The following METTL15 variants were observed in gnomAD, a reference collection of about 807,000 sequenced individuals.
The protein encoded by METTL15 is 12S rRNA N(4)-cytidine methyltransferase METTL15.
A neutral mutation model predicts 38.3 loss-of-function variants in METTL15; 34 were observed. The ratio of observed to expected loss-of-function variants is 0.89; its 90% confidence interval spans 0.68 to 1.18. METTL15 has a LOEUF of 1.18. METTL15 is among the 50% of genes most tolerant of loss of function. METTL15 has a pLI of 0.00. For missense variants in METTL15, 438 were observed against 498.4 expected, an observed-to-expected ratio of 0.88 and a Z score of 1.15; for synonymous variants, 162 against 170.9, an observed-to-expected ratio of 0.95 and a Z score of 0.41.
chr11:28,396,974 AAAAC>A (rs67451963), intron 5 of METTL15, among the ~76,000 whole-genome samples: 84,804 of 150,970 alleles, frequency 0.56, 24,739 homozygotes, highest in East Asian at 0.73. Context: ...AAACCTGAGA[AAAAC>A]AAACAATGGG....
chr11:28,267,264 C>T (rs939889236), intron 4 of METTL15, among the ~76,000 whole-genome samples: 1 of 151,678 alleles, frequency 6.6e-6, no homozygotes, highest in Non-Finnish European at 1.5e-5. Flanking sequence ...TCACTTTGGT[C>T]GCTCTGGCTT....
chr11:28,377,554 A>G (rs1000259717), intron 5 of METTL15, among the ~76,000 whole-genome samples: 1 of 151,288 alleles, frequency 6.6e-6, no homozygotes, highest in Non-Finnish European at 1.5e-5. Context: ...CTAGTTATAC[A>G]TTCTTCTAAA....
intron 3 of METTL15, among the ~76,000 whole-genome samples, chr11:28,118,375 A>G (rs570637388): frequency 6.6e-6 from 1 of 152,270 alleles, no homozygotes; most frequent in South Asian, 2.1e-4. Flanking sequence ...GAAGGTATTT[A>G]AAATTTTAAT....
intron 4 of METTL15, among the ~76,000 whole-genome samples, chr11:28,359,225 T>C (rs1850115125): frequency 6.6e-6 from 1 of 152,172 alleles, no homozygotes; most frequent in Non-Finnish European, 1.5e-5. Flanking sequence ...TAGGATAAGG[T>C]TCTCCAGCCA....
At chr11:28,426,709 T>G (rs1590370335) in intron 6 of METTL15, among the ~76,000 whole-genome samples, 1 of 152,018 alleles carries the variant, frequency 6.6e-6, no homozygotes, top group Admixed American at 6.6e-5. Flanking sequence ...TTTTTTCATA[T>G]GTTTATTGGC....
chr11:28,341,003 A>C (rs1849947063), intron 3 of METTL15, among the ~76,000 whole-genome samples: 1 of 152,238 alleles, frequency 6.6e-6, no homozygotes, highest in African/African-American at 2.4e-5. Flanking sequence ...AAAAAGGATG[A>C]GTTCATGTCC....
intron 6 of METTL15, among the ~76,000 whole-genome samples, chr11:28,440,643 G>A (rs1851026214): frequency 6.6e-6 from 1 of 152,164 alleles, no homozygotes; most frequent in African/African-American, 2.4e-5. Context: ...TATTTAAGAT[G>A]CTTATCTATC....
intron 6 of METTL15, among the ~76,000 whole-genome samples, chr11:28,456,551 C>T (rs1409608578): frequency 2.6e-5 from 4 of 151,712 alleles, no homozygotes; most frequent in Non-Finnish European, 5.9e-5. Flanking sequence ...CAGCATTTTT[C>T]CTGCCTCAGT....
At chr11:28,340,424 C>G (rs1849940006) in intron 3 of METTL15, among the ~76,000 whole-genome samples, 2 of 152,110 alleles carry the variant, frequency 1.3e-5, no homozygotes, top group South Asian at 4.1e-4. Flanking sequence ...GCAATCTATC[C>G]ATCTGGCAAA....
intron 5 of METTL15, among the ~76,000 whole-genome samples, chr11:28,395,967 A>G (rs1284134696): frequency 3.3e-5 from 5 of 152,176 alleles, no homozygotes; most frequent in Admixed American, 6.6e-5. Flanking sequence ...AACATAATCC[A>G]GCACATAGAC....
At chr11:28,390,046 G>A (rs960714183) in intron 5 of METTL15, among the ~76,000 whole-genome samples, 1 of 151,300 alleles carries the variant, frequency 6.6e-6, no homozygotes. Flanking sequence ...AGAAGTGTCT[G>A]TTCATATCCT....
chr11:28,285,727 G>A (rs1856234091), intron 4 of METTL15, among the ~76,000 whole-genome samples: 1 of 152,096 alleles, frequency 6.6e-6, no homozygotes, highest in Admixed American at 6.6e-5. Flanking sequence ...CCTTCCTTGG[G>A]ACAATTTAAC....
At chr11:28,366,748 G>A (rs1850189993) in intron 5 of METTL15, among the ~76,000 whole-genome samples, 1 of 152,186 alleles carries the variant, frequency 6.6e-6, no homozygotes, top group Non-Finnish European at 1.5e-5. Context: ...GGCGCAGCAT[G>A]CTCTGCCAAC....
intron 5 of METTL15, among the ~76,000 whole-genome samples, chr11:28,406,315 A>G (rs955710698): frequency 3.9e-5 from 6 of 151,932 alleles, no homozygotes; most frequent in Admixed American, 2.0e-4. Flanking sequence ...CTGTATTCCT[A>G]GGTATTTTAT....
intron 5 of METTL15, among the ~76,000 whole-genome samples, chr11:28,389,206 A>T (rs2133391670): frequency 6.8e-6 from 1 of 147,294 alleles, no homozygotes; most frequent in Non-Finnish European, 1.5e-5. Context: ...CAATAATGGG[A>T]TGGCTGGGTG....
intron 4 of METTL15, among the ~76,000 whole-genome samples, chr11:28,251,089 A>G (rs985428949): frequency 6.6e-6 from 1 of 151,998 alleles, no homozygotes; most frequent in Non-Finnish European, 1.5e-5. Flanking sequence ...GTGACTTTCT[A>G]ACCTCCCATT....
intron 5 of METTL15, among the ~76,000 whole-genome samples, chr11:28,382,957 CT>C (rs34928420): frequency 0.97 from 142,028 of 145,886 alleles, 69,156 homozygotes; most frequent in South Asian, 1. Flanking sequence ...TGGTGACAAT[CT>C]TTTTTTTTTT....
intron 6 of METTL15, among the ~76,000 whole-genome samples, chr11:28,437,055 C>G (rs540204247): frequency 6.6e-6 from 1 of 152,326 alleles, no homozygotes; most frequent in Admixed American, 6.5e-5. Context: ...GAACGTCAGA[C>G]TCCAAGTTCT....
intron 6 of METTL15, among the ~76,000 whole-genome samples, chr11:28,435,164 C>T (rs1011795403): frequency 6.6e-6 from 1 of 152,138 alleles, no homozygotes; most frequent in African/African-American, 2.4e-5. Context: ...TCCCAGGACC[C>T]TCCAAAATCT....
Sources: gnomAD v4.1 joint callset for allele counts (sites outside exome capture counted in the v4.1 genomes callset) on GRCh38, gnomAD v4.1.1 for gene constraint, MANE v1.5 for transcripts, NCBI Gene and HGNC (gene_info 2026-07-23, HGNC 2026-07-21) for gene names.